Variants in IFRD1 observed in about 807,000 individuals in gnomAD.
The protein encoded by IFRD1 is interferon-related developmental regulator 1.
A neutral mutation model predicts 52.9 loss-of-function variants in IFRD1; 35 were observed. That is an observed-to-expected ratio of 0.66 (90% CI 0.51 to 0.88). The LOEUF is 0.88. IFRD1 is among the 40% of genes least tolerant of loss of function. The pLI is 0.00. For missense variants in IFRD1, 517 were observed against 550.8 expected (o/e 0.94, Z 0.61); for synonymous variants, 184 against 188.4 (o/e 0.98, Z 0.19).
At chr7:112,462,973 G>T (rs528123530) in intron 8 of IFRD1, among the ~76,000 whole-genome samples, 71 of 152,034 alleles carry the variant, frequency 4.7e-4, no homozygotes, top group African/African-American at 1.7e-3. Context: ...ACCTGTTTTT[G>T]GTTTAGCACT....
chr7:112,429,758 A>G (rs1435914013), intron 1 of IFRD1, among the ~76,000 whole-genome samples: 1 of 152,246 alleles, frequency 6.6e-6, no homozygotes, highest in African/African-American at 2.4e-5. Flanking sequence ...GGGATAAGGC[A>G]GGCCTAGCAT....
chr7:112,428,997 C>G (rs1419624935), intron 1 of IFRD1, among the ~76,000 whole-genome samples: 1 of 152,184 alleles, frequency 6.6e-6, no homozygotes, highest in Non-Finnish European at 1.5e-5. Context: ...CTCTAAAATT[C>G]ATCTCCCTAC....
chr7:112,460,241 GT>G (rs35314166), intron 5 of IFRD1, among the ~76,000 whole-genome samples: 8,011 of 92,698 alleles, frequency 0.086, 40 homozygotes, highest in South Asian at 0.19. Context: ...CAGTCCTAGG[GT>G]TTTTTTTTTT....
intron 1 of IFRD1, among the ~76,000 whole-genome samples, chr7:112,428,949 T>TTTA (rs1420140468): frequency 1.3e-5 from 2 of 152,354 alleles, no homozygotes; most frequent in East Asian, 3.9e-4. Context: ...CAGACTTTAT[T>TTTA]AACTTGACAG....
chr7:112,455,642 A>G, intron 1 of IFRD1, 121 bp from the exon 2 acceptor site: 1 of 707,018 alleles, frequency 1.4e-6, no homozygotes, highest in Admixed American at 2.2e-5. Flanking sequence ...ATCTCTTTTT[A>G]TAAAATGAGT....
intron 1 of IFRD1, among the ~76,000 whole-genome samples, chr7:112,429,370 A>C (rs1201384705): frequency 6.6e-6 from 1 of 152,356 alleles, no homozygotes; most frequent in South Asian, 2.1e-4. Context: ...GTTAAGTCAA[A>C]GGCAATTTGC....
At chr7:112,445,062 C>CTTTT (rs3057810) in intron 1 of IFRD1, among the ~76,000 whole-genome samples, 11 of 102,660 alleles carry the variant, frequency 1.1e-4, no homozygotes, top group East Asian at 2.8e-4. Flanking sequence ...CCTAGGCTTT[C>CTTTT]TTTTTTTTTT....
intron 1 of IFRD1, among the ~76,000 whole-genome samples, chr7:112,445,281 T>A (rs566294332): frequency 2.0e-5 from 3 of 152,086 alleles, no homozygotes; most frequent in African/African-American, 7.2e-5. Flanking sequence ...TTAGCCAGGA[T>A]GGTCTCGATC....
rs761983293 is a variant in IFRD1, at chr7:112,450,687, C to G, written c.-2C>G. ...ACTCTGGGCGGCACCGGGCGTCCCA[C>G]GATGCCGAAGAACAAGAAGCGGAAC... On this transcript the variant is annotated 5_prime_UTR_variant, in exon 1 of 12. Coordinates refer to ENST00000403825, the MANE Select transcript of IFRD1 (RefSeq NM_001550.4). The G allele has an allele frequency of 1.9e-6, 3 of 1,612,450 alleles. No individual in the cohort carries two copies. The highest frequency in any genetic ancestry group is 1.7e-6 in the Non-Finnish European group (2 of 1,179,490).
Position 112,457,092 on chromosome 7 carries a change from C to T in IFRD1, c.409+54C>T, listed in dbSNP as rs537840872. 7.4e-5 allele frequency: 117 copies of T among 1,583,894 alleles called. No individual in the cohort carries two copies. The African/African-American group carries it at 1.4e-3, about 19-fold the overall frequency. ...GTACAACTAATAAGGAGTGTGTTAT[C>T]TTCTTTTCAGTAACATTTAGTAATA... On this transcript the variant is annotated intron_variant, in intron 4 of 11. Transcript: ENST00000403825.
chr7:112,433,830 C>CT (rs35769207), intron 1 of IFRD1, among the ~76,000 whole-genome samples: 30,859 of 151,800 alleles, frequency 0.2, 3,231 homozygotes, highest in Middle Eastern at 0.3. Context: ...AATATAATTT[C>CT]TTTTTTTTGA....
intron 8 of IFRD1, among the ~76,000 whole-genome samples, chr7:112,463,889 CA>C (rs1795537565): frequency 0.07 from 1,043 of 14,898 alleles, 17 homozygotes; most frequent in African/African-American, 0.27. Context: ...CACACACACA[CA>C]CACACCCCAC....
chr7:112,461,950 A>G (rs750374920), intron 6 of IFRD1, 34 bp downstream of exon 6: 2 of 1,601,012 alleles, frequency 1.2e-6, no homozygotes, highest in Non-Finnish European at 8.6e-7. Flanking sequence ...AGTTATCTGC[A>G]GTTATTTCTA....
chr7:112,456,176 T>C, intron 3 of IFRD1, 90 bp downstream of exon 3: 1 of 792,192 alleles, frequency 1.3e-6, no homozygotes, highest in Admixed American at 1.9e-5. Flanking sequence ...GTGATTCTAA[T>C]CAGTTACCTT....
chr7:112,455,938 G>A (rs1795280829), intron 2 of IFRD1, 64 bp from the exon 3 acceptor site: 5 of 1,442,382 alleles, frequency 3.5e-6, no homozygotes, highest in South Asian at 1.1e-5. Context: ...TGTAGCTAAA[G>A]TATACTATTA....
intron 9 of IFRD1, among the ~76,000 whole-genome samples, chr7:112,469,650 C>G (rs1795697568): frequency 6.6e-6 from 1 of 151,990 alleles, no homozygotes; most frequent in Admixed American, 6.6e-5. Context: ...CTCATGCATC[C>G]CCTTTGAGTA....
At chr7:112,474,729 A>T (rs990108632) in intron 11 of IFRD1, among the ~76,000 whole-genome samples, 9 of 152,184 alleles carry the variant, frequency 5.9e-5, no homozygotes, top group African/African-American at 2.2e-4. Context: ...TTTATAATTT[A>T]AAAAATGTGT....
intron 1 of IFRD1, among the ~76,000 whole-genome samples, chr7:112,425,303 G>A (rs768099240): frequency 1.3e-5 from 2 of 152,196 alleles, no homozygotes; most frequent in Non-Finnish European, 2.9e-5. Context: ...GGGTTTATTT[G>A]TGAGGTTTTC....
At chr7:112,429,120 T>G (rs1238021507) in intron 1 of IFRD1, among the ~76,000 whole-genome samples, 4 of 152,254 alleles carry the variant, frequency 2.6e-5, no homozygotes, top group African/African-American at 7.2e-5. Context: ...TTGAGTTGCC[T>G]TAGTTGCAAT....
Sources: gnomAD v4.1 joint callset for allele counts (sites outside exome capture counted in the v4.1 genomes callset) on GRCh38, gnomAD v4.1.1 for gene constraint, MANE v1.5 for transcripts, NCBI Gene and HGNC (gene_info 2026-07-23, HGNC 2026-07-21) for gene names.